CHRM3: variants seen among roughly 807,000 people sequenced by gnomAD.
CHRM3 encodes cholinergic receptor muscarinic 3, also known as muscarinic acetylcholine receptor M3.
In CHRM3, 11 loss-of-function variants were observed where a neutral mutation model predicts 41.8. The ratio of observed to expected loss-of-function variants is 0.26; its 90% CI spans 0.17 to 0.44. The LOEUF is 0.44. Among genes scored for constraint, CHRM3 ranks in the 20% least tolerant of loss-of-function variants. CHRM3 has a pLI of 1.00. For synonymous variants in CHRM3, 297 were observed against 301.4 expected (o/e 0.99, Z 0.15); for missense variants, 571 against 745.4 (o/e 0.77, Z 2.72).
At chr1:239,577,125 GA>G (rs1662442161) in intron 3 of CHRM3, among the ~76,000 whole-genome samples, 1 of 152,112 alleles carries the variant, frequency 6.6e-6, no homozygotes, top group Admixed American at 6.6e-5. Context: ...CTAGAATCCA[GA>G]AGCTTCTAAT....
intron 3 of CHRM3, among the ~76,000 whole-genome samples, chr1:239,607,404 A>G (rs1260001806): frequency 2.0e-5 from 3 of 152,208 alleles, no homozygotes; most frequent in African/African-American, 7.2e-5. Context: ...ACAGATGCAT[A>G]GGCATCCTGT....
At chr1:239,757,406 A>C (rs1304724098) in intron 5 of CHRM3, among the ~76,000 whole-genome samples, 2 of 152,092 alleles carry the variant, frequency 1.3e-5, no homozygotes, top group Non-Finnish European at 2.9e-5. Context: ...AGTGCTGGGC[A>C]CATCACGAGG....
intron 6 of CHRM3, among the ~76,000 whole-genome samples, chr1:239,853,280 G>A (rs1013313552): frequency 2.0e-5 from 3 of 151,778 alleles, no homozygotes; most frequent in East Asian, 3.9e-4. Flanking sequence ...TTAGAATTTC[G>A]AGTTTTATTA....
At chr1:239,671,878 G>A (rs1674405150) in intron 4 of CHRM3, among the ~76,000 whole-genome samples, 1 of 152,106 alleles carries the variant, frequency 6.6e-6, no homozygotes, top group African/African-American at 2.4e-5. Flanking sequence ...CTCAGTCTCT[G>A]GTGGTAGGAG....
At chr1:239,499,253 G>T (rs2148120670) in intron 2 of CHRM3, among the ~76,000 whole-genome samples, 1 of 152,260 alleles carries the variant, frequency 6.6e-6, no homozygotes, top group South Asian at 2.1e-4. Context: ...GAGGTACAGA[G>T]AAAGGAATGT....
At chr1:239,535,418 T>G (rs560092620) in intron 2 of CHRM3, among the ~76,000 whole-genome samples, 10 of 150,990 alleles carry the variant, frequency 6.6e-5, no homozygotes, top group Non-Finnish European at 1.3e-4. Context: ...GCTAGAATTT[T>G]GAGTGGAGCG....
At chr1:239,596,543 G>A (rs992452248) in intron 3 of CHRM3, among the ~76,000 whole-genome samples, 4 of 152,038 alleles carry the variant, frequency 2.6e-5, no homozygotes, top group Non-Finnish European at 5.9e-5. Context: ...AGATAACTAT[G>A]CCATTTCTTT....
intron 2 of CHRM3, among the ~76,000 whole-genome samples, chr1:239,537,183 G>A (rs1159480351): frequency 1.3e-5 from 2 of 152,106 alleles, no homozygotes; most frequent in Admixed American, 6.5e-5. Context: ...CTTTTTACAT[G>A]TGAGTTAAAT....
chr1:239,581,925 A>G (rs1366036380), intron 3 of CHRM3, among the ~76,000 whole-genome samples: 2 of 152,170 alleles, frequency 1.3e-5, no homozygotes, highest in East Asian at 1.9e-4. Flanking sequence ...CCAATTATTT[A>G]TGGTATCATT....
intron 1 of CHRM3, among the ~76,000 whole-genome samples, chr1:239,474,815 A>C (rs1666360255): frequency 6.6e-6 from 1 of 152,114 alleles, no homozygotes; most frequent in Admixed American, 6.6e-5. Flanking sequence ...CCCTTCCAAA[A>C]ATTATCTGAA....
chr1:239,484,574 CTG>C (rs1221279941), intron 1 of CHRM3, among the ~76,000 whole-genome samples: 1 of 152,150 alleles, frequency 6.6e-6, no homozygotes, highest in Non-Finnish European at 1.5e-5. Context: ...TGGTGTGTGA[CTG>C]TTGTCCCAGC....
At position 239,909,108 on chromosome 1, in the gene CHRM3, A is replaced by G. The variant is rs1241297304; in HGVS notation, c.1657A>G (p.Thr553Ala). ...TGCTCTGTGCAACAAAACATTCAGA[A>G]CCACTTTCAAGATGCTGCTGCTGTG... ...CYALCNKTFR[T>A]TFKMLLLCQC... The change falls in exon 7 of 7, where the codon ACC becomes GCC. Residue 553 changes from threonine (T) to alanine (A), a missense_variant. Thr to Ala is a moderately conservative substitution (Grantham distance 58, BLOSUM62 0). Transcript: ENST00000676153. 1 of 1,613,950 alleles carries G rather than the reference A, an allele frequency of 6.2e-7. No individual in the cohort carries two copies. The highest frequency in any genetic ancestry group is 1.7e-5 in the Admixed American group (1 of 59,988).
intron 1 of CHRM3, among the ~76,000 whole-genome samples, chr1:239,451,583 A>G (rs967055611): frequency 6.6e-6 from 1 of 152,192 alleles, no homozygotes. Context: ...ACATATTCAC[A>G]CATGTAGAGC....
chr1:239,618,517 G>A (rs1667910987), intron 3 of CHRM3, among the ~76,000 whole-genome samples: 1 of 151,370 alleles, frequency 6.6e-6, no homozygotes, highest in African/African-American at 2.4e-5. Context: ...AGGAATCTTC[G>A]TGGAAAAATG....
At chr1:239,569,523 G>A (rs923139252) in intron 3 of CHRM3, among the ~76,000 whole-genome samples, 4 of 152,122 alleles carry the variant, frequency 2.6e-5, no homozygotes, top group East Asian at 1.9e-4. Flanking sequence ...CAGTAAGTTC[G>A]TTGTGTCAGT....
chr1:239,782,088 T>C (rs962035479), intron 5 of CHRM3, among the ~76,000 whole-genome samples: 1 of 152,152 alleles, frequency 6.6e-6, no homozygotes, highest in Non-Finnish European at 1.5e-5. Context: ...TCCTGTAATG[T>C]ATTTGTCTAG....
intron 5 of CHRM3, among the ~76,000 whole-genome samples, chr1:239,761,867 G>A (rs372606113): frequency 6.6e-6 from 1 of 152,134 alleles, no homozygotes; most frequent in Non-Finnish European, 1.5e-5. Context: ...TTGGTAGTCT[G>A]CCCTGCTGAC....
chr1:239,551,699 A>G (rs1314655649), intron 3 of CHRM3, among the ~76,000 whole-genome samples: 1 of 152,204 alleles, frequency 6.6e-6, no homozygotes, highest in Non-Finnish European at 1.5e-5. Context: ...GTTTTAACAC[A>G]TGACGCCCAT....
intron 1 of CHRM3, among the ~76,000 whole-genome samples, chr1:239,435,720 G>T (rs1386344178): frequency 6.6e-6 from 1 of 152,006 alleles, no homozygotes; most frequent in Non-Finnish European, 1.5e-5. Flanking sequence ...AAATTCCACC[G>T]TGTTAATACA....
Sources: allele counts gnomAD v4.1 joint callset (sites outside exome capture counted in the v4.1 genomes callset), GRCh38; gene constraint gnomAD v4.1.1; transcripts MANE v1.5; gene names NCBI Gene and HGNC (gene_info 2026-07-23, HGNC 2026-07-21).